Variants in MSTO1 observed in about 807,000 individuals in gnomAD.
MSTO1 encodes protein misato homolog 1.
Under a neutral mutation model 55.7 loss-of-function variants are expected in MSTO1, and 24 were observed. The observed-to-expected ratio is 0.43, with a 90% CI of 0.31 to 0.61. The LOEUF (loss-of-function observed/expected upper bound fraction) is 0.61. MSTO1 is among the 20% of genes least tolerant of loss of function. MSTO1 has a pLI of 0.09. For missense variants in MSTO1, 363 were observed against 625.7 expected (o/e 0.58, Z 4.48); for synonymous variants, 162 against 252.8 (o/e 0.64, Z 3.41).
upstream of MSTO1, among the ~76,000 whole-genome samples, chr1:155,609,243 A>ATATATATATATATATATTT (rs59756178): frequency 5.5e-5 from 3 of 54,574 alleles, no homozygotes; most frequent in African/African-American, 1.5e-4. Flanking sequence ...ATATATATAT[A>ATATATATATATATATATTT]TTTTTTTTTT....
At chr1:155,606,198 C>CTTTTTTT (rs747681932), upstream of MSTO1, among the ~76,000 whole-genome samples, 149 of 28,110 alleles carry the variant, frequency 5.3e-3, 1 homozygote, top group Non-Finnish European at 7.1e-3. Flanking sequence ...CATGCCCAGC[C>CTTTTTTT]TTTTTTTTTT....
the MSTO1 span, among the ~76,000 whole-genome samples, chr1:155,568,554 T>G: frequency 6.6e-6 from 1 of 151,902 alleles, no homozygotes; most frequent in Non-Finnish European, 1.5e-5. Context: ...TTCTCCTGCT[T>G]CAGCCTCCTG....
At chr1:155,571,663 A>G in the MSTO1 span, among the ~76,000 whole-genome samples, 1 of 152,258 alleles carries the variant, frequency 6.6e-6, no homozygotes, top group Non-Finnish European at 1.5e-5. Flanking sequence ...TGCTCTAGGA[A>G]TCCAAACCTG....
the MSTO1 span, chr1:155,563,533 C>G: frequency 2.2e-6 from 1 of 456,264 alleles, no homozygotes; most frequent in Admixed American, 2.4e-5. Context: ...TCGGATTTCT[C>G]GAATTTCACA....
chr1:155,595,429 C>T, the MSTO1 span, among the ~76,000 whole-genome samples: 4 of 151,402 alleles, frequency 2.6e-5, no homozygotes, highest in African/African-American at 7.3e-5. Flanking sequence ...CTGCGTGCCT[C>T]GGCCTCCCAA....
the MSTO1 span, among the ~76,000 whole-genome samples, chr1:155,571,629 C>G: frequency 6.6e-6 from 1 of 152,190 alleles, no homozygotes; most frequent in Non-Finnish European, 1.5e-5. Context: ...TTTCAGAACT[C>G]TTTTACTTTT....
chr1:155,568,055 A>ATTTATTTTAT, the MSTO1 span, among the ~76,000 whole-genome samples: 985 of 143,454 alleles, frequency 6.9e-3, 8 homozygotes, highest in Admixed American at 9.2e-3. Flanking sequence ...AAAAAAAATT[A>ATTTATTTTAT]TTTATTTTAT....
At chr1:155,596,391 C>A in the MSTO1 span, among the ~76,000 whole-genome samples, 1 of 152,200 alleles carries the variant, frequency 6.6e-6, no homozygotes, top group Non-Finnish European at 1.5e-5. Flanking sequence ...TCTGCTACCC[C>A]TACATCTACG....
At chr1:155,590,275 A>C in the MSTO1 span, among the ~76,000 whole-genome samples, 1 of 152,080 alleles carries the variant, frequency 6.6e-6, no homozygotes, top group Non-Finnish European at 1.5e-5. Context: ...TCTTGGGGAC[A>C]GTCTGTCTTG....
chr1:155,587,025 A>G, the MSTO1 span, among the ~76,000 whole-genome samples: 145,950 of 152,300 alleles, frequency 0.96, 70,272 homozygotes, highest in East Asian at 1. Flanking sequence ...TGGGATTACA[A>G]GCATGAGCCA....
chr1:155,580,658 C>T, the MSTO1 span, among the ~76,000 whole-genome samples: 3 of 152,090 alleles, frequency 2.0e-5, no homozygotes, highest in African/African-American at 7.2e-5. Context: ...GTGGCTCACG[C>T]CTGTAATCCC....
chr1:155,612,841 C>A lies in MSTO1; in HGVS notation c.967-3C>A, dbSNP rs768686448. The stretch of plus-strand genomic sequence containing the variant: ...AAGTGCCCATCTTGGTGTCTTCTTA[C>A]AGGCCACTCTGCCCTTCCACTGCAG... On this transcript the variant is annotated splice_region_variant and splice_polypyrimidine_tract_variant and intron_variant, in intron 9 of 13. Coordinates refer to ENST00000245564, the MANE Select transcript of MSTO1 (RefSeq NM_018116.4). The A allele has an allele frequency of 6.2e-7, 1 of 1,613,860 alleles. No homozygotes were observed. Among genetic ancestry groups the A allele is most frequent in the East Asian group, 2.2e-5 (1 of 44,886 alleles).
chr1:155,604,229 C>A, the MSTO1 span, among the ~76,000 whole-genome samples: 1 of 152,162 alleles, frequency 6.6e-6, no homozygotes, highest in Admixed American at 6.5e-5. Context: ...AGTGGACCTG[C>A]CTTTCTGGCC....
the MSTO1 span, among the ~76,000 whole-genome samples, chr1:155,577,065 GT>G: frequency 7.8e-4 from 105 of 134,308 alleles, no homozygotes; most frequent in South Asian, 4.3e-3. Flanking sequence ...ACCCCTGCAA[GT>G]TTTTTTTTTT....
intron 11 of MSTO1, 108 bp downstream of exon 11, chr1:155,613,341 A>C: frequency 6.4e-7 from 1 of 1,566,440 alleles, no homozygotes; most frequent in Non-Finnish European, 8.6e-7. Flanking sequence ...CCCACCCCTT[A>C]AAAAGGAAAA....
At chr1:155,611,386 C>T (rs1461453938) in intron 4 of MSTO1, 95 bp downstream of exon 4, 3 of 1,610,510 alleles carry the variant, frequency 1.9e-6, no homozygotes, top group Non-Finnish European at 2.5e-6. Context: ...TTTTAAGTGT[C>T]TTAGAATGAT....
the MSTO1 span, among the ~76,000 whole-genome samples, chr1:155,568,821 C>T: frequency 2.0e-5 from 3 of 148,550 alleles, no homozygotes; most frequent in African/African-American, 4.9e-5. Context: ...CTACTGCCCC[C>T]GGCCTTTTTT....
At chr1:155,600,236 T>G in the MSTO1 span, among the ~76,000 whole-genome samples, 2 of 152,202 alleles carry the variant, frequency 1.3e-5, no homozygotes, top group Non-Finnish European at 2.9e-5. Context: ...TCTGGGTACT[T>G]GAGATTAGGG....
the MSTO1 span, chr1:155,563,545 C>A: frequency 8.8e-6 from 4 of 456,240 alleles, no homozygotes; most frequent in Non-Finnish European, 1.8e-5. Context: ...AATTTCACAC[C>A]ACTGTCCATA....
Sources: allele counts gnomAD v4.1 joint callset (sites outside exome capture counted in the v4.1 genomes callset), GRCh38; gene constraint gnomAD v4.1.1; transcripts MANE v1.5; gene names NCBI Gene and HGNC (gene_info 2026-07-23, HGNC 2026-07-21).